DPF3: variants seen among roughly 807,000 people sequenced by gnomAD.
The protein encoded by DPF3 is double PHD fingers 3.
DPF3 carries 18 observed loss-of-function variants against 56.8 expected under a neutral mutation model. The observed-to-expected ratio is 0.32, with a 90% CI of 0.22 to 0.47. The LOEUF is 0.47. Ranked by LOEUF, DPF3 falls within the 20% of genes least tolerant of loss-of-function variation. The pLI, the probability that DPF3 is intolerant of heterozygous loss-of-function variation, is 1.00. For missense variants in DPF3, 403 were observed against 488.8 expected, an observed-to-expected ratio of 0.82 and a Z score of 1.65; for synonymous variants, 188 against 180.2, an observed-to-expected ratio of 1.04 and a Z score of -0.35.
At chr14:72,682,599 T>C (rs1887209016) in intron 7 of DPF3, among the ~76,000 whole-genome samples, 1 of 152,210 alleles carries the variant, frequency 6.6e-6, no homozygotes. Flanking sequence ...CCCTCTTCAC[T>C]AGCACCACTG....
intron 1 of DPF3, among the ~76,000 whole-genome samples, chr14:72,865,445 A>G (rs79097360): frequency 1.3e-5 from 2 of 152,242 alleles, no homozygotes; most frequent in Admixed American, 6.5e-5. Flanking sequence ...TTTTGCCACA[A>G]TGAGGTAGAG....
At chr14:72,752,993 C>A (rs1029588008) in intron 3 of DPF3, among the ~76,000 whole-genome samples, 1 of 152,194 alleles carries the variant, frequency 6.6e-6, no homozygotes, top group Non-Finnish European at 1.5e-5. Flanking sequence ...ATTCATCCTG[C>A]ACCTGGGCTG....
intron 9 of DPF3, among the ~76,000 whole-genome samples, chr14:72,623,776 A>G (rs1316569635): frequency 6.6e-6 from 1 of 152,214 alleles, no homozygotes; most frequent in African/African-American, 2.4e-5. Context: ...AAGTGCTCCA[A>G]AACAATGACT....
At position 72,773,794 on chromosome 14, in the gene DPF3, G is replaced by A. The variant is rs139489951; in HGVS notation, c.33-1901C>T. The A allele has an allele frequency of 5.1e-5, 23 of 454,532 alleles. No homozygotes were observed. The East Asian group carries it at 1.5e-3, about 29-fold the overall frequency. 28.2% of individuals were successfully genotyped at this position (454,532 alleles called of 1,614,324 possible). A position where few individuals can be genotyped will look rare whatever the true frequency, so the allele number is the denominator to read the frequency against. On this transcript the variant is annotated intron_variant, in intron 1 of 10. Transcript: ENST00000556509. ...TTAACCTATATTATAGCATATGTCA[G>A]AATTTCCTTCCTTTTTAAGTCAGAA...
At chr14:72,808,356 C>A (rs1020119606) in intron 1 of DPF3, among the ~76,000 whole-genome samples, 19 of 152,138 alleles carry the variant, frequency 1.2e-4, no homozygotes, top group African/African-American at 4.1e-4. Flanking sequence ...GAAGAAGAAA[C>A]CTTAACTGAG....
intron 9 of DPF3, among the ~76,000 whole-genome samples, chr14:72,622,155 T>C (rs1028648969): frequency 1.5e-4 from 23 of 152,298 alleles, no homozygotes; most frequent in African/African-American, 5.5e-4. Context: ...TAGGTAGAAA[T>C]GTACATTTTT....
chr14:72,751,176 C>T (rs1049324800), intron 3 of DPF3, among the ~76,000 whole-genome samples: 1 of 151,986 alleles, frequency 6.6e-6, no homozygotes, highest in Non-Finnish European at 1.5e-5. Context: ...GGCAACAGAG[C>T]GTGACCCTAC....
chr14:72,800,584 G>A (rs1454389019), intron 1 of DPF3, among the ~76,000 whole-genome samples: 4 of 152,008 alleles, frequency 2.6e-5, no homozygotes. Context: ...ATGCATGGAT[G>A]GATGGATGTG....
chr14:72,749,827 G>C (rs1408958053), intron 3 of DPF3, among the ~76,000 whole-genome samples: 1 of 150,704 alleles, frequency 6.6e-6, no homozygotes, highest in Non-Finnish European at 1.5e-5. Flanking sequence ...CAGCCAGGGT[G>C]ACAGAGTGAG....
At chr14:72,656,541 CA>C (rs1886066909) in intron 8 of DPF3, among the ~76,000 whole-genome samples, 1 of 152,194 alleles carries the variant, frequency 6.6e-6, no homozygotes, top group Admixed American at 6.5e-5. Flanking sequence ...AAAGAAAGAT[CA>C]GGTAACCAAA....
intron 3 of DPF3, among the ~76,000 whole-genome samples, chr14:72,737,232 C>A: frequency 6.6e-6 from 1 of 151,260 alleles, no homozygotes; most frequent in African/African-American, 2.4e-5. Context: ...CACACACACA[C>A]AGAAATTTCC....
Position 72,846,377 on chromosome 14 carries a change from C to G in DPF3, c.32+47680G>C, listed in dbSNP as rs142529023. ...TTGAGACGGAGTCTCACTCTGTCGC[C>G]CAGGCTGGAGTGCAGTGGTGCGATC... On this transcript the variant is annotated intron_variant, in intron 1 of 10. Coordinates refer to ENST00000556509, the MANE Select transcript of DPF3 (RefSeq NM_001280542.3). Among the ~76,000 whole-genome samples the G allele has an allele frequency of 8.6e-3, 1,260 of 147,362 alleles. 16 individuals are homozygous for G. The highest frequency in any genetic ancestry group is 0.03 in the African/African-American group (1,193 of 39,388).
In DPF3 at chr14:72,613,855, C is replaced by A. The variant is rs1473929928; in HGVS notation, c.*5442G>T. ...CGCCCGCCGCACAGCCAGGCCTCCCCGGGGACAGCTGCTGAGAGGCTCTAA... is the reference window on the plus strand; with the variant it reads ...CGCCCGCCGCACAGCCAGGCCTCCCAGGGGACAGCTGCTGAGAGGCTCTAA... On this transcript the variant is annotated 3_prime_UTR_variant, in exon 11 of 11. Transcript: ENST00000556509. Among the ~76,000 whole-genome samples the A allele has an allele frequency of 1.3e-5, 2 of 152,188 alleles. No individual in the cohort carries two copies. The highest frequency in any genetic ancestry group is 2.9e-5 in the Non-Finnish European group (2 of 68,036).
chr14:72,637,077 C>A (rs1885404907), intron 8 of DPF3, among the ~76,000 whole-genome samples: 1 of 152,206 alleles, frequency 6.6e-6, no homozygotes, highest in South Asian at 2.1e-4. Flanking sequence ...TTGCACCAGT[C>A]ATTCTTATAA....
intron 1 of DPF3, among the ~76,000 whole-genome samples, chr14:72,846,303 G>A (rs1822688098): frequency 7.2e-6 from 1 of 138,004 alleles, no homozygotes; most frequent in African/African-American, 2.7e-5. Context: ...TAGAGATGGG[G>A]TTTCACCATG....
intron 1 of DPF3, among the ~76,000 whole-genome samples, chr14:72,844,408 G>A (rs79310502): frequency 0.017 from 2,662 of 152,234 alleles, 76 homozygotes; most frequent in African/African-American, 0.06. Flanking sequence ...AAAATTCCCC[G>A]TAAATATGTT....
chr14:72,705,219 T>G (rs6574090), intron 6 of DPF3, among the ~76,000 whole-genome samples: 6,084 of 152,160 alleles, frequency 0.04, 414 homozygotes, highest in African/African-American at 0.14. Flanking sequence ...GATGTCACAC[T>G]GGATTCTAAC....
At chr14:72,839,423 A>C (rs1884455668) in intron 1 of DPF3, among the ~76,000 whole-genome samples, 1 of 152,162 alleles carries the variant, frequency 6.6e-6, no homozygotes, top group Non-Finnish European at 1.5e-5. Context: ...CAGCCCACCG[A>C]ATAAGCCACA....
At chr14:72,721,797 A>G (rs1411679270) in intron 5 of DPF3, among the ~76,000 whole-genome samples, 1 of 152,182 alleles carries the variant, frequency 6.6e-6, no homozygotes, top group Admixed American at 6.5e-5. Flanking sequence ...GTTTCTAATC[A>G]AACTACCAGT....
Sources: allele counts gnomAD v4.1 joint callset (sites outside exome capture counted in the v4.1 genomes callset), GRCh38; gene constraint gnomAD v4.1.1; transcripts MANE v1.5; gene names NCBI Gene and HGNC (gene_info 2026-07-23, HGNC 2026-07-21).